RAB3C: variants seen among roughly 807,000 people sequenced by gnomAD.
RAB3C encodes RAB3C, member RAS oncogene family, also known as ras-related protein Rab-3C.
RAB3C carries 17 observed loss-of-function variants against 26.4 expected under a neutral mutation model. The ratio of observed to expected loss-of-function variants is 0.64; its 90% confidence interval spans 0.44 to 0.97. RAB3C has a LOEUF of 0.97. Ranked by LOEUF, RAB3C falls within the 50% of genes least tolerant of loss-of-function variation. RAB3C has a pLI of 0.00. For synonymous variants in RAB3C, 91 were observed against 95.9 expected (o/e 0.95, Z 0.30); for missense variants, 242 against 281.9 (o/e 0.86, Z 1.01).
intron 3 of RAB3C, among the ~76,000 whole-genome samples, chr5:58,799,750 G>A (rs182667945): frequency 1.3e-5 from 2 of 152,240 alleles, no homozygotes; most frequent in African/African-American, 4.8e-5. Context: ...AAGGCCTAAT[G>A]TAAACTCTTG....
chr5:58,753,465 T>C (rs1411718564), intron 3 of RAB3C, among the ~76,000 whole-genome samples: 1 of 152,158 alleles, frequency 6.6e-6, no homozygotes, highest in Non-Finnish European at 1.5e-5. Flanking sequence ...TTCTAAAACT[T>C]CCAGTTTCCC....
intron 4 of RAB3C, among the ~76,000 whole-genome samples, chr5:58,833,181 G>A (rs1743655541): frequency 6.6e-6 from 1 of 152,080 alleles, no homozygotes; most frequent in Non-Finnish European, 1.5e-5. Context: ...ATAGACTGGA[G>A]GGTAAGGACA....
chr5:58,800,754 GACTGGAC>G (rs1742788810), intron 3 of RAB3C, among the ~76,000 whole-genome samples: 1 of 152,188 alleles, frequency 6.6e-6, no homozygotes. Flanking sequence ...TAATGTGGGA[GACTGGAC>G]AGAGTCAGGG....
intron 4 of RAB3C, among the ~76,000 whole-genome samples, chr5:58,829,436 T>C (rs955515671): frequency 9.2e-5 from 14 of 152,134 alleles, no homozygotes; most frequent in African/African-American, 2.7e-4. Flanking sequence ...AAGAAAGAAA[T>C]TTATAGAGGA....
chr5:58,816,569 G>A (rs1175469583), intron 3 of RAB3C, among the ~76,000 whole-genome samples: 2 of 152,156 alleles, frequency 1.3e-5, no homozygotes, highest in Non-Finnish European at 2.9e-5. Context: ...AAGTGGTAAG[G>A]CCTGGGGGAT....
intron 3 of RAB3C, among the ~76,000 whole-genome samples, chr5:58,783,693 A>C (rs1385491081): frequency 6.6e-6 from 1 of 152,210 alleles, no homozygotes; most frequent in Non-Finnish European, 1.5e-5. Context: ...CTTATCCTAC[A>C]GGCAGTTTTG....
intron 3 of RAB3C, among the ~76,000 whole-genome samples, chr5:58,816,577 G>A (rs961541620): frequency 1.3e-5 from 2 of 152,150 alleles, no homozygotes; most frequent in Non-Finnish European, 2.9e-5. Flanking sequence ...AGGCCTGGGG[G>A]ATATAGACAG....
At chr5:58,756,369 TATATAACTACTATATAAC>T (rs1170029099) in intron 3 of RAB3C, among the ~76,000 whole-genome samples, 15 of 134,888 alleles carry the variant, frequency 1.1e-4, no homozygotes, top group Non-Finnish European at 1.6e-4. Context: ...ATAACATATA[TATATAACTACTATATAAC>T]ATATATATAT....
At chr5:58,722,637 AAC>A (rs768970462) in intron 2 of RAB3C, among the ~76,000 whole-genome samples, 92 of 151,942 alleles carry the variant, frequency 6.1e-4, no homozygotes, top group Middle Eastern at 6.8e-3. Flanking sequence ...TTTCATTTTA[AAC>A]AGTCTTTTGA....
intron 2 of RAB3C, among the ~76,000 whole-genome samples, chr5:58,671,281 C>G (rs189701999): frequency 6.6e-6 from 1 of 152,108 alleles, no homozygotes; most frequent in Non-Finnish European, 1.5e-5. Context: ...ATTCTCCCCC[C>G]ACTTTGAAAT....
intron 3 of RAB3C, among the ~76,000 whole-genome samples, chr5:58,820,271 G>A (rs1315863069): frequency 6.6e-6 from 1 of 151,552 alleles, no homozygotes; most frequent in East Asian, 1.9e-4. Context: ...GCAACAAGAA[G>A]CTGACATAAT....
At chr5:58,639,402 C>T (rs1277276736) in intron 2 of RAB3C, among the ~76,000 whole-genome samples, 2 of 152,188 alleles carry the variant, frequency 1.3e-5, no homozygotes, top group African/African-American at 4.8e-5. Context: ...AAATTATTTT[C>T]TCACAGTTCT....
chr5:58,835,225 C>G (rs1473599533), intron 4 of RAB3C, among the ~76,000 whole-genome samples: 1 of 152,086 alleles, frequency 6.6e-6, no homozygotes, highest in Non-Finnish European at 1.5e-5. Flanking sequence ...AAGACTCTGG[C>G]AAATCCCTAT....
chr5:58,715,157 C>T (rs114418016), intron 2 of RAB3C, among the ~76,000 whole-genome samples: 4 of 152,018 alleles, frequency 2.6e-5, no homozygotes, highest in Non-Finnish European at 5.9e-5. Context: ...ACTATATGAT[C>T]TATTAAATTA....
chr5:58,646,636 C>T (rs891130630), intron 2 of RAB3C, among the ~76,000 whole-genome samples: 8 of 151,810 alleles, frequency 5.3e-5, no homozygotes, highest in Admixed American at 2.0e-4. Context: ...GAGTGCTGTA[C>T]GTGGAGGGCA....
Position 58,775,569 on chromosome 5 carries a change from C to A in RAB3C, c.371+49449C>A, listed in dbSNP as rs113196621. Among the ~76,000 whole-genome samples the A allele has an allele frequency of 3.0e-3, 454 of 152,184 alleles. 5 individuals are homozygous for A. The highest frequency in any genetic ancestry group is 0.011 in the African/African-American group (442 of 41,520). ...CCCCTCTAAGGTGGTAAATGCTTCT[C>A]ACTTACACATGATACGTACCAGGTG... On this transcript the variant is annotated intron_variant, in intron 3 of 4. Coordinates refer to ENST00000282878, the MANE Select transcript of RAB3C (RefSeq NM_138453.4).
intron 1 of RAB3C, among the ~76,000 whole-genome samples, chr5:58,598,693 CTT>C (rs1746382616): frequency 1.3e-5 from 2 of 152,076 alleles, no homozygotes; most frequent in South Asian, 4.1e-4. Flanking sequence ...GCCTCAGTGT[CTT>C]AGCTTCTACC....
At chr5:58,721,240 T>A (rs566768476) in intron 2 of RAB3C, among the ~76,000 whole-genome samples, 1 of 138,560 alleles carries the variant, frequency 7.2e-6, no homozygotes, top group South Asian at 2.1e-4. Context: ...CTGAAATAAT[T>A]TTTTTTTCAA....
intron 2 of RAB3C, among the ~76,000 whole-genome samples, chr5:58,633,604 G>C (rs920524966): frequency 2.6e-5 from 4 of 152,160 alleles, no homozygotes; most frequent in African/African-American, 9.7e-5. Flanking sequence ...ATATTATTAA[G>C]AGATACATGA....
Sources: allele counts gnomAD v4.1 joint callset (sites outside exome capture counted in the v4.1 genomes callset), GRCh38; gene constraint gnomAD v4.1.1; transcripts MANE v1.5; gene names NCBI Gene and HGNC (gene_info 2026-07-23, HGNC 2026-07-21).